TACR3: variants seen among roughly 807,000 people sequenced by gnomAD.
TACR3 encodes the protein neuromedin-K receptor.
TACR3 carries 34 observed loss-of-function variants against 35.0 expected under a neutral mutation model. That is an observed-to-expected ratio of 0.97 (90% CI 0.74 to 1.30). The LOEUF (loss-of-function observed/expected upper bound fraction) is 1.30, where lower values mean the gene tolerates loss of function less well. Ranked by LOEUF, TACR3 falls within the 50% of genes most tolerant of loss-of-function variation. The pLI, the probability that TACR3 is intolerant of heterozygous loss-of-function variation, is 0.00. For synonymous variants in TACR3, 233 were observed against 221.1 expected (o/e 1.05, Z -0.48); for missense variants, 558 against 591.7 (o/e 0.94, Z 0.59).
intron 3 of TACR3, among the ~76,000 whole-genome samples, chr4:103,654,823 A>G (rs866612312): frequency 6.6e-6 from 1 of 152,154 alleles, no homozygotes; most frequent in Admixed American, 6.6e-5. Flanking sequence ...ATATAGCTAT[A>G]AGAAATTATC....
chr4:103,637,588 G>A (rs1725222150), intron 3 of TACR3, among the ~76,000 whole-genome samples: 1 of 152,102 alleles, frequency 6.6e-6, no homozygotes, highest in South Asian at 2.1e-4. Context: ...GTTCTGGCCA[G>A]GGCAATCAGG....
intron 3 of TACR3, among the ~76,000 whole-genome samples, chr4:103,644,333 C>T (rs1261794216): frequency 2.0e-5 from 3 of 152,002 alleles, no homozygotes. Flanking sequence ...TAATATTATA[C>T]AAGCCCATCA....
intron 3 of TACR3, among the ~76,000 whole-genome samples, chr4:103,596,114 T>C (rs552841394): frequency 1.3e-5 from 2 of 148,566 alleles, no homozygotes; most frequent in East Asian, 3.9e-4. Flanking sequence ...TATTCCATGG[T>C]GTATATGTGT....
chr4:103,713,182 T>TA (rs1307562103), intron 1 of TACR3, among the ~76,000 whole-genome samples: 3 of 152,092 alleles, frequency 2.0e-5, no homozygotes, highest in African/African-American at 7.2e-5. Flanking sequence ...ACATGTATGT[T>TA]TACCGCGGCA....
At position 103,627,155 on chromosome 4, in the gene TACR3, C is replaced by T. The variant is rs1724912021; in HGVS notation, c.888+29039G>A. On this transcript the variant is annotated intron_variant, in intron 3 of 4. Transcript: ENST00000304883. ...CGAGATCATGCCATTGCATTCCAGCCCAAGTGACGGTGTGAGACTCCGTCT... is the reference window on the plus strand; with the variant it reads ...CGAGATCATGCCATTGCATTCCAGCTCAAGTGACGGTGTGAGACTCCGTCT... Among the ~76,000 whole-genome samples, 4 of 134,690 alleles carry T rather than the reference C, an allele frequency of 3.0e-5. No individual in the cohort carries two copies. The South Asian group carries it at 9.6e-4, about 32-fold the overall frequency. The allele number at this position is 134,690 out of a possible 152,430, so 88.4% of individuals were successfully genotyped here. A position where few individuals can be genotyped will look rare whatever the true frequency, so the allele number is the denominator to read the frequency against.
At chr4:103,681,202 C>T (rs896034337) in intron 1 of TACR3, among the ~76,000 whole-genome samples, 2 of 151,952 alleles carry the variant, frequency 1.3e-5, no homozygotes, top group Non-Finnish European at 2.9e-5. Context: ...AAATCACATA[C>T]AGTATTCCAC....
At chr4:103,651,626 T>C (rs1725619962) in intron 3 of TACR3, among the ~76,000 whole-genome samples, 1 of 151,624 alleles carries the variant, frequency 6.6e-6, no homozygotes, top group Admixed American at 6.6e-5. Flanking sequence ...AAAGTCCCCT[T>C]TACTTTTCCC....
At position 103,589,861 on chromosome 4, in the gene TACR3, C is replaced by T; in HGVS notation, c.1219G>A (p.Glu407Lys). The T allele has an allele frequency of 1.2e-6, 2 of 1,613,880 alleles. No individual in the cohort carries two copies. The highest frequency in any genetic ancestry group is 8.5e-7 in the Non-Finnish European group (1 of 1,179,870). ...GGGTCAAACACGACTGTCATGGACT[C>T]CATTCTGGTCACGGTGTACATACTG... ...QSSMYTVTRMESMTVVFDPND... is the reference protein window; with the variant it reads ...QSSMYTVTRMKSMTVVFDPND... The change falls in exon 5 of 5, where the codon GAG becomes AAG. Residue 407 changes from glutamate (E) to lysine (K), a missense_variant. Coordinates refer to ENST00000304883, the MANE Select transcript of TACR3 (RefSeq NM_001059.3).
At chr4:103,619,044 AT>A (rs1724721485) in intron 3 of TACR3, among the ~76,000 whole-genome samples, 1 of 152,170 alleles carries the variant, frequency 6.6e-6, no homozygotes, top group Non-Finnish European at 1.5e-5. Context: ...GCAAAGAGAG[AT>A]AGTTTGACTT....
intron 1 of TACR3, among the ~76,000 whole-genome samples, chr4:103,693,815 T>C (rs1470517371): frequency 6.6e-6 from 1 of 152,078 alleles, no homozygotes; most frequent in Admixed American, 6.6e-5. Context: ...GAGATTTTTT[T>C]CCCAGGTAAA....
At chr4:103,615,394 TGTGTGAGAGAGAGA>T (rs1341452874) in intron 3 of TACR3, among the ~76,000 whole-genome samples, 3 of 98,906 alleles carry the variant, frequency 3.0e-5, no homozygotes, top group Admixed American at 2.8e-4. Flanking sequence ...TGTGTGTGTG[TGTGTGAGAGAGAGA>T]GAGAGAGAGA....
intron 3 of TACR3, among the ~76,000 whole-genome samples, chr4:103,602,981 C>T (rs1199916758): frequency 3.9e-5 from 6 of 152,232 alleles, no homozygotes; most frequent in Non-Finnish European, 5.9e-5. Context: ...GTGCCCTACA[C>T]CAAGAGGTGG....
At chr4:103,648,353 G>T (rs1320669081) in intron 3 of TACR3, among the ~76,000 whole-genome samples, 1 of 151,932 alleles carries the variant, frequency 6.6e-6, no homozygotes, top group African/African-American at 2.4e-5. Flanking sequence ...TAGTCATTCT[G>T]TTGTGCTATA....
intron 3 of TACR3, among the ~76,000 whole-genome samples, chr4:103,611,328 G>GATCT (rs1423445095): frequency 6.6e-6 from 1 of 152,068 alleles, no homozygotes; most frequent in African/African-American, 2.4e-5. Context: ...TTATTGTAGA[G>GATCT]ATCTTCCATC....
chr4:103,634,314 A>G (rs187661741), intron 3 of TACR3, among the ~76,000 whole-genome samples: 1 of 152,226 alleles, frequency 6.6e-6, no homozygotes, highest in Admixed American at 6.6e-5. Context: ...AGAAGCCAAT[A>G]GTTCTGGCAA....
intron 3 of TACR3, among the ~76,000 whole-genome samples, chr4:103,627,515 C>T (rs1486314183): frequency 6.6e-6 from 1 of 151,748 alleles, no homozygotes; most frequent in Admixed American, 6.6e-5. Flanking sequence ...TAGAGCAAGA[C>T]TCGGTCAAAA....
At chr4:103,692,156 G>C (rs997153205) in intron 1 of TACR3, among the ~76,000 whole-genome samples, 2 of 152,086 alleles carry the variant, frequency 1.3e-5, no homozygotes, top group Non-Finnish European at 2.9e-5. Context: ...TGGAATACAT[G>C]ATTCATTACC....
intron 1 of TACR3, among the ~76,000 whole-genome samples, chr4:103,690,294 T>C (rs1375867973): frequency 6.6e-6 from 1 of 152,088 alleles, no homozygotes; most frequent in Non-Finnish European, 1.5e-5. Flanking sequence ...AGAAAAGCTT[T>C]GAATGTAAAA....
chr4:103,608,464 A>G (rs1004237345), intron 3 of TACR3, among the ~76,000 whole-genome samples: 1 of 152,094 alleles, frequency 6.6e-6, no homozygotes, highest in African/African-American at 2.4e-5. Context: ...TGTGCTCACT[A>G]CCTGGGTGAT....
Sources: gnomAD v4.1 joint callset for allele counts (sites outside exome capture counted in the v4.1 genomes callset) on GRCh38, gnomAD v4.1.1 for gene constraint, MANE v1.5 for transcripts, NCBI Gene and HGNC (gene_info 2026-07-23, HGNC 2026-07-21) for gene names.